The following KHDRBS3 variants were observed in gnomAD, a reference collection of about 807,000 sequenced individuals.
The protein encoded by KHDRBS3 is KH domain-containing, RNA-binding, signal transduction-associated protein 3.
Under a neutral mutation model 45.6 loss-of-function variants are expected in KHDRBS3, and 23 were observed. The ratio of observed to expected loss-of-function variants is 0.50; its 90% CI spans 0.36 to 0.72. The LOEUF is 0.72. Among genes scored for constraint, KHDRBS3 ranks in the 30% least tolerant of loss-of-function variants. The pLI is 0.00. For synonymous variants in KHDRBS3, 162 were observed against 156.5 expected, an observed-to-expected ratio of 1.04 and a Z score of -0.26; for missense variants, 352 against 424.8, an observed-to-expected ratio of 0.83 and a Z score of 1.51.
intron 5 of KHDRBS3, among the ~76,000 whole-genome samples, 157 bp from the exon 6 acceptor site, chr8:135,581,721 C>G (rs1452313272): frequency 6.6e-6 from 1 of 152,168 alleles, no homozygotes; most frequent in African/African-American, 2.4e-5. Context: ...TGACAGACAC[C>G]TGTTTCATGT....
At chr8:135,589,782 A>AGATCTCT (rs1828658441) in intron 6 of KHDRBS3, among the ~76,000 whole-genome samples, 1 of 152,192 alleles carries the variant, frequency 6.6e-6, no homozygotes, top group African/African-American at 2.4e-5. Flanking sequence ...CATTTTGGAG[A>AGATCTCT]TACTAAGTAA....
chr8:135,605,203 G>A (rs569027772), intron 6 of KHDRBS3, among the ~76,000 whole-genome samples: 2 of 152,086 alleles, frequency 1.3e-5, no homozygotes, highest in South Asian at 4.1e-4. Context: ...TTCAGCCATC[G>A]TTTCTCAAAA....
intron 1 of KHDRBS3, among the ~76,000 whole-genome samples, chr8:135,499,643 G>C (rs1281303898): frequency 6.6e-6 from 1 of 152,154 alleles, no homozygotes; most frequent in Non-Finnish European, 1.5e-5. Flanking sequence ...ACAAATCTCA[G>C]TTTGTTCTTT....
chr8:135,495,238 A>C (rs575488995), intron 1 of KHDRBS3, among the ~76,000 whole-genome samples: 1 of 152,256 alleles, frequency 6.6e-6, no homozygotes, highest in Non-Finnish European at 1.5e-5. Context: ...CTTGGGTCTC[A>C]TCTCTCTTTG....
chr8:135,630,688 A>T (rs987055391), intron 7 of KHDRBS3, among the ~76,000 whole-genome samples: 5 of 152,162 alleles, frequency 3.3e-5, no homozygotes, highest in African/African-American at 1.2e-4. Flanking sequence ...ATATCATTGC[A>T]CTGAATACTG....
chr8:135,579,991 C>G (rs1205704320), intron 5 of KHDRBS3, among the ~76,000 whole-genome samples: 1 of 152,188 alleles, frequency 6.6e-6, no homozygotes. Flanking sequence ...CCCCCTCAGA[C>G]CACATCTCAT....
downstream of KHDRBS3, among the ~76,000 whole-genome samples, chr8:135,651,784 G>T (rs138222364): frequency 6.6e-6 from 1 of 152,110 alleles, no homozygotes; most frequent in Non-Finnish European, 1.5e-5. Context: ...CAGTGTAAGG[G>T]TTTAGTAAGT....
chr8:135,471,961 G>C (rs964712665), intron 1 of KHDRBS3, among the ~76,000 whole-genome samples: 4 of 152,182 alleles, frequency 2.6e-5, no homozygotes, highest in African/African-American at 9.7e-5. Context: ...CATTACCTTT[G>C]ATTCCTTCTC....
At chr8:135,598,079 A>G (rs1328260589) in intron 6 of KHDRBS3, among the ~76,000 whole-genome samples, 1 of 152,230 alleles carries the variant, frequency 6.6e-6, no homozygotes, top group Non-Finnish European at 1.5e-5. Flanking sequence ...ATAGCAGCTA[A>G]TCTTTGTCAG....
At chr8:135,566,379 G>A (rs1283204830) in intron 5 of KHDRBS3, among the ~76,000 whole-genome samples, 1 of 152,136 alleles carries the variant, frequency 6.6e-6, no homozygotes, top group Non-Finnish European at 1.5e-5. Context: ...ATTTTTTAAT[G>A]TTGAAATGTT....
intron 7 of KHDRBS3, among the ~76,000 whole-genome samples, chr8:135,612,938 CT>C (rs1273175120): frequency 6.6e-6 from 1 of 151,670 alleles, no homozygotes; most frequent in East Asian, 1.9e-4. Context: ...TTTCTTTTTA[CT>C]TTTTTTACAT....
intron 2 of KHDRBS3, among the ~76,000 whole-genome samples, chr8:135,522,499 A>G (rs772435402): frequency 2.0e-5 from 3 of 152,200 alleles, no homozygotes; most frequent in African/African-American, 7.2e-5. Flanking sequence ...TTTCCAAAGC[A>G]CTTATACCTT....
intron 6 of KHDRBS3, among the ~76,000 whole-genome samples, chr8:135,595,298 G>A (rs1355943688): frequency 3.3e-5 from 5 of 152,088 alleles, no homozygotes; most frequent in African/African-American, 9.7e-5. Flanking sequence ...CTGCTGTGTG[G>A]CTTGGTTGTA....
chr8:135,608,792 T>C (rs1829581358), intron 7 of KHDRBS3, among the ~76,000 whole-genome samples: 1 of 152,250 alleles, frequency 6.6e-6, no homozygotes, highest in South Asian at 2.1e-4. Flanking sequence ...TACAGCCTGC[T>C]ACACATCTGG....
intron 1 of KHDRBS3, among the ~76,000 whole-genome samples, chr8:135,487,740 A>G (rs574675684): frequency 1.1e-4 from 16 of 152,344 alleles, no homozygotes; most frequent in African/African-American, 3.6e-4. Context: ...GGATTTCACA[A>G]TGGTGAAGAG....
chr8:135,588,557 G>A (rs1828594277), intron 6 of KHDRBS3, among the ~76,000 whole-genome samples: 1 of 152,102 alleles, frequency 6.6e-6, no homozygotes, highest in African/African-American at 2.4e-5. Flanking sequence ...TTTAATCACA[G>A]GGATGGTTCC....
chr8:135,630,978 G>A (rs1198601181), intron 7 of KHDRBS3, among the ~76,000 whole-genome samples: 2 of 152,226 alleles, frequency 1.3e-5, no homozygotes, highest in Non-Finnish European at 2.9e-5. Context: ...GCCGGGCGCG[G>A]TGGCTCACGC....
At chr8:135,508,100 A>C (rs1824099540) in intron 1 of KHDRBS3, among the ~76,000 whole-genome samples, 1 of 152,150 alleles carries the variant, frequency 6.6e-6, no homozygotes, top group African/African-American at 2.4e-5. Context: ...CTGAGCCTTT[A>C]CTGTGTAAAT....
intron 5 of KHDRBS3, among the ~76,000 whole-genome samples, chr8:135,560,955 A>T (rs554165551): frequency 6.6e-6 from 1 of 152,156 alleles, no homozygotes; most frequent in Non-Finnish European, 1.5e-5. Flanking sequence ...CTTCCTCCAT[A>T]TTATTATGGT....
Sources: allele counts gnomAD v4.1 joint callset (sites outside exome capture counted in the v4.1 genomes callset), GRCh38; gene constraint gnomAD v4.1.1; transcripts MANE v1.5; gene names NCBI Gene and HGNC (gene_info 2026-07-23, HGNC 2026-07-21).